The following SQSTM1 variants were observed in gnomAD, a reference collection of about 807,000 sequenced individuals.
SQSTM1 encodes sequestosome-1.
SQSTM1 carries 36 observed loss-of-function variants against 45.1 expected under a neutral mutation model. The ratio of observed to expected loss-of-function variants is 0.80; its 90% CI spans 0.61 to 1.05. SQSTM1 has a LOEUF of 1.05. Among genes scored for constraint, SQSTM1 ranks in the 50% least tolerant of loss-of-function variants. The probability of loss-of-function intolerance (pLI) is 0.00; values close to 1 mark genes in which losing one functional copy is unlikely to be tolerated. For missense variants in SQSTM1, 617 were observed against 607.1 expected, an observed-to-expected ratio of 1.02 and a Z score of -0.17; for synonymous variants, 290 against 244.3, an observed-to-expected ratio of 1.19 and a Z score of -1.74.
chr5:179,810,405 G>C (rs892100018), intron 1 of SQSTM1, among the ~76,000 whole-genome samples: 1 of 152,150 alleles, frequency 6.6e-6, no homozygotes, highest in African/African-American at 2.4e-5. Flanking sequence ...TGCTCAGAAT[G>C]GTTTCCAGCT....
chr5:179,810,964 C>T (rs1344432845), intron 1 of SQSTM1, among the ~76,000 whole-genome samples: 1 of 152,046 alleles, frequency 6.6e-6, no homozygotes, highest in Non-Finnish European at 1.5e-5. Flanking sequence ...CGCCTGTAAT[C>T]CAAGTGAGAC....
rs72813731 is a variant in SQSTM1 at position 179,834,060 on chromosome 5, C to T, written c.1165+278C>T. On this transcript the variant is annotated intron_variant, in intron 7 of 7. Coordinates refer to ENST00000389805, the MANE Select transcript of SQSTM1 (RefSeq NM_003900.5). ...AGTTTCTAAAACTTAACATGCAGAC[C>T]AGGAATTAAGGCAGGTGTGACACAG... 0.046 allele frequency among the ~76,000 whole-genome samples: 6,906 copies of T among 150,252 alleles called. 293 individuals are homozygous for T. The highest frequency in any genetic ancestry group is 0.11 in the African/African-American group (4,501 of 40,762).
At chr5:179,826,038 C>T (rs1480803974) in intron 5 of SQSTM1, among the ~76,000 whole-genome samples, 3 of 152,148 alleles carry the variant, frequency 2.0e-5, no homozygotes, top group Non-Finnish European at 4.4e-5. Flanking sequence ...AGGCTGTGTC[C>T]ACCCAGCCTG....
chr5:179,819,512 G>A (rs1341719976), upstream of SQSTM1, among the ~76,000 whole-genome samples: 8 of 152,244 alleles, frequency 5.3e-5, no homozygotes, highest in Admixed American at 6.5e-5. Context: ...TGCTCAGACC[G>A]GGCCATAGCC....
chr5:179,833,515 G>A (rs925902683), intron 6 of SQSTM1, 72 bp from the exon 7 acceptor site: 2 of 1,547,032 alleles, frequency 1.3e-6, no homozygotes, highest in African/African-American at 1.4e-5. Flanking sequence ...CTGTCTGCCA[G>A]GAGCCAGGGC....
chr5:179,822,640 T>C (rs1441903245), intron 1 of SQSTM1: 3 of 386,932 alleles, frequency 7.8e-6, no homozygotes, highest in Non-Finnish European at 1.5e-5. Flanking sequence ...GGATGGGGAA[T>C]GAGGTGGCAC....
rs61480353 is a variant in SQSTM1, at chr5:179,833,865, CAGA to C, written c.1165+86_1165+88del. 46,414 of 1,476,736 alleles carry C rather than the reference CAGA, an allele frequency of 0.031. 2,325 individuals are homozygous for C. Among genetic ancestry groups the C allele is most frequent in the African/African-American group, 0.23 (16,320 of 71,972 alleles). 91.5% of individuals were successfully genotyped at this position (1,476,736 alleles called of 1,614,324 possible). A position where few individuals can be genotyped will look rare whatever the true frequency, so the allele number is the denominator to read the frequency against. On this transcript the variant is annotated intron_variant, in intron 7 of 7. Transcript: ENST00000389805. ...CCTCCTCTGATTTCAGCGACACAAA[CAGA>C]AGGATGAGATGTTCTCCACTGCAGG...
chr5:179,827,409 C>T (rs779280421), intron 5 of SQSTM1, among the ~76,000 whole-genome samples: 18 of 152,184 alleles, frequency 1.2e-4, no homozygotes, highest in East Asian at 1.9e-4. Flanking sequence ...CTCAGCCTCC[C>T]GAGTAGCTGG....
chr5:179,812,742 C>T (rs1296162796), intron 2 of SQSTM1: 1 of 152,312 alleles, frequency 6.6e-6, no homozygotes, highest in East Asian at 1.9e-4. Flanking sequence ...GGAAGTTCTC[C>T]AGTGCCCAGG....
intron 7 of SQSTM1, chr5:179,835,459 G>A (rs535491271): frequency 0.01 from 1,578 of 156,442 alleles, 21 homozygotes; most frequent in Non-Finnish European, 0.015. Context: ...CGAGGCTGGC[G>A]GATCACTCGT....
intron 5 of SQSTM1, among the ~76,000 whole-genome samples, chr5:179,831,693 A>C (rs1177582255): frequency 6.6e-6 from 1 of 152,200 alleles, no homozygotes; most frequent in Non-Finnish European, 1.5e-5. Flanking sequence ...AGCCATTATC[A>C]GTGGTAGGAA....
In SQSTM1 at chr5:179,836,580, C is replaced by A; in HGVS notation, c.1310C>A (p.Pro437His). The change falls in exon 8 of 8, where the codon CCC (proline) becomes CAC (histidine). Residue 437 changes from proline to histidine, a missense_variant. By Grantham distance (77) the Pro-to-His change is moderately conservative. Coordinates refer to ENST00000389805, the MANE Select transcript of SQSTM1 (RefSeq NM_003900.5). Reference protein sequence around the residue: ...ALDTIQYSKHPPPL With the variant: ...ALDTIQYSKHHPPL ...GACACCATCCAGTATTCAAAGCATC[C>A]CCCGCCGTTGTGACCACTTTTGCCC... The A allele has an allele frequency of 6.2e-7, 1 of 1,614,154 alleles. No individual in the cohort carries two copies. The highest frequency in any genetic ancestry group is 8.5e-7 in the Non-Finnish European group (1 of 1,180,028).
chr5:179,817,602 T>C (rs1443771948), upstream of SQSTM1, among the ~76,000 whole-genome samples: 1 of 152,260 alleles, frequency 6.6e-6, no homozygotes, highest in Non-Finnish European at 1.5e-5. Flanking sequence ...TGTCTGTCCA[T>C]GACTTGAACT....
rs539682696 is a variant in SQSTM1 at position 179,823,003 on chromosome 5, C to T, written c.251C>T (p.Thr84Ile). 8.1e-6 allele frequency: 13 copies of T among 1,614,052 alleles called. No homozygotes were observed. In the African/African-American group the frequency reaches 9.3e-5, roughly 12 times the overall value. ...GCCTTTTCCAGTGACGAGGAATTGA[C>T]AATGGCCATGTCCTACGTGAAGGAT... ...LVAFSSDEEL[T>I]MAMSYVKDDI... Residue 84 changes from threonine (T) to isoleucine (I), a missense_variant, in exon 2 of 8, where the codon ACA becomes ATA. Transcript: ENST00000389805.
In SQSTM1 at chr5:179,837,731, T is replaced by C. The variant is rs10277; in HGVS notation, c.*1138T>C. The stretch of plus-strand genomic sequence containing the variant: ...ACTTTTTCTAGGTGGCAGGACAAAT[T>C]GCGCCCATTTAGAGGATGTGGCTGT... On this transcript the variant is annotated 3_prime_UTR_variant, in exon 8 of 8. Coordinates refer to ENST00000389805, the MANE Select transcript of SQSTM1 (RefSeq NM_003900.5). 0.57 allele frequency: 927,204 copies of C among 1,614,018 alleles called. 271,582 individuals are homozygous for C. Among genetic ancestry groups the C allele is most frequent in the East Asian group, 0.79 (35,348 of 44,874 alleles).
At position 179,823,907 on chromosome 5, in the gene SQSTM1, G is replaced by C; in HGVS notation, c.351G>C (p.Ala117=). ...RDHRPPCAQE[A]PRNMVHPNVI... is the part of the protein sequence containing the mutation. ...ACCGCCCACCGTGTGCTCAGGAGGC[G>C]CCCCGCAACATGGTGCACCCCAATG... Residue 117 remains alanine (A), a synonymous_variant, in exon 3 of 8, where the codon GCG becomes GCC. Coordinates refer to ENST00000389805, the MANE Select transcript of SQSTM1 (RefSeq NM_003900.5). The C allele has an allele frequency of 6.2e-7, 1 of 1,613,436 alleles. No homozygotes were observed. The highest frequency in any genetic ancestry group is 8.5e-7 in the Non-Finnish European group (1 of 1,180,010).
chr5:179,836,445 C>T lies in SQSTM1; in HGVS notation c.1175C>T (p.Pro392Leu), dbSNP rs104893941. Residue 392 changes from proline (P) to leucine (L), a missense_variant, in exon 8 of 8, where the codon CCG becomes CTG. Coordinates refer to ENST00000389805, the MANE Select transcript of SQSTM1 (RefSeq NM_003900.5). ...LYPHLPPEAD[P>L]RLIESLSQML... is the part of the protein sequence containing the mutation. Reference sequence around the variant, plus strand: ...CTTACTGTTTCGGCAGAGGCTGACCCGCGGCTGATTGAGTCCCTCTCCCAG... The same window carrying T: ...CTTACTGTTTCGGCAGAGGCTGACCTGCGGCTGATTGAGTCCCTCTCCCAG... 2,294 of 1,614,158 alleles carry T rather than the reference C, an allele frequency of 1.4e-3. 3 individuals are homozygous for T. The highest frequency in any genetic ancestry group is 2.6e-3 in the Admixed American group (157 of 60,012).
Position 179,837,995 on chromosome 5 carries a change from G to T in SQSTM1, c.*1402G>T. The T allele has an allele frequency of 9.7e-7, 1 of 1,036,014 alleles. No individual in the cohort carries two copies. Among genetic ancestry groups the T allele is most frequent in the Non-Finnish European group, 1.4e-6 (1 of 722,610 alleles). 64.2% of individuals were successfully genotyped at this position (1,036,014 alleles called of 1,614,324 possible). A position where few individuals can be genotyped will look rare whatever the true frequency, so the allele number is the denominator to read the frequency against. On this transcript the variant is annotated 3_prime_UTR_variant, in exon 8 of 8. Transcript: ENST00000389805. ...TGGGCCTCTGGTTCTGACACTTTCTGCTGGAAGCTGTCAGGCTGGGACAGG... is the reference window on the plus strand; with the variant it reads ...TGGGCCTCTGGTTCTGACACTTTCTTCTGGAAGCTGTCAGGCTGGGACAGG...
chr5:179,821,569 G>T (rs1757780414), intron 1 of SQSTM1: 1 of 460,886 alleles, frequency 2.2e-6, no homozygotes, highest in Non-Finnish European at 4.3e-6. Flanking sequence ...TTCAGATAAT[G>T]CCCTGGAGGA....
Sources: gnomAD v4.1 joint callset for allele counts (sites outside exome capture counted in the v4.1 genomes callset) on GRCh38, gnomAD v4.1.1 for gene constraint, MANE v1.5 for transcripts, NCBI Gene and HGNC (gene_info 2026-07-23, HGNC 2026-07-21) for gene names.